SEMA6C: variants seen among roughly 807,000 people sequenced by gnomAD.
The protein encoded by SEMA6C is semaphorin-6C.
Under a neutral mutation model 72.9 loss-of-function variants are expected in SEMA6C, and 37 were observed. The ratio of observed to expected loss-of-function variants is 0.51; its 90% CI spans 0.39 to 0.67. The LOEUF is 0.67. SEMA6C is among the 30% of genes least tolerant of loss of function. The pLI, the probability that SEMA6C is intolerant of heterozygous loss-of-function variation, is 0.00. For missense variants in SEMA6C, 1,189 were observed against 1,263.6 expected (o/e 0.94, Z 0.89); for synonymous variants, 578 against 554.1 (o/e 1.04, Z -0.61).
At chr1:151,144,070 C>T (rs924965026) in intron 2 of SEMA6C, among the ~76,000 whole-genome samples, 7 of 152,122 alleles carry the variant, frequency 4.6e-5, no homozygotes, top group Non-Finnish European at 8.8e-5. Flanking sequence ...TGATGACCCC[C>T]CTTCCCCAGG....
chr1:151,142,043 CTTT>C (rs11321807), intron 3 of SEMA6C, among the ~76,000 whole-genome samples: 20 of 128,382 alleles, frequency 1.6e-4, no homozygotes, highest in Non-Finnish European at 1.7e-4. Context: ...AGTCCATGTT[CTTT>C]TTTTTTTTTT....
rs587703491 is a variant in SEMA6C, at chr1:151,133,936, A to C, written c.1760-419T>G. On this transcript the variant is annotated intron_variant, in intron 18 of 18. Coordinates refer to ENST00000368914, the MANE Select transcript of SEMA6C (RefSeq NM_030913.6). This position sits in a 1 kb window ranked among gnomAD's most constrained non-coding sequence, Gnocchi z 5.9. ...ATCAGCAGCCCCACACTTCACTCCT[A>C]TCTCTCCCAAGTAGCCCCCTTACCC... The C allele has an allele frequency of 8.9e-6, 13 of 1,466,990 alleles. No individual in the cohort carries two copies. Among genetic ancestry groups the C allele is most frequent in the Middle Eastern group, 1.8e-4 (1 of 5,676 alleles). 90.9% of individuals were successfully genotyped at this position (1,466,990 alleles called of 1,614,324 possible).
In SEMA6C at chr1:151,133,158, G is replaced by A. The variant is rs2101607787; in HGVS notation, c.2119C>T (p.Leu707=). 5 of 1,551,888 alleles carry A rather than the reference G, an allele frequency of 3.2e-6. No homozygotes were observed. The East Asian group carries it at 6.9e-5, about 21-fold the overall frequency. ...CLPTPESTPE[L]PVKHLRAAGD... ...GCGGCGCGGAGGTGCTTGACCGGCAGCTCCGGCGTGGACTCGGGGGTGGGC... is the reference window on the plus strand; with the variant it reads ...GCGGCGCGGAGGTGCTTGACCGGCAACTCCGGCGTGGACTCGGGGGTGGGC... The change falls in exon 19 of 19, where the codon CTG becomes TTG. Residue 707 remains leucine, a synonymous_variant. Coordinates refer to ENST00000368914, the MANE Select transcript of SEMA6C (RefSeq NM_030913.6). This position sits in a 1 kb window ranked among gnomAD's most constrained non-coding sequence, Gnocchi z 5.9.
At chr1:151,142,759 A>T (rs953862744) in intron 2 of SEMA6C, 84 bp from the exon 3 acceptor site, 1 of 660,924 alleles carries the variant, frequency 1.5e-6, no homozygotes, top group Non-Finnish European at 2.5e-6. Context: ...CTCCTGGTGT[A>T]TCCCCAGAAG....
Position 151,136,038 on chromosome 1 carries a change from T to C in SEMA6C, c.1232A>G (p.His411Arg), listed in dbSNP as rs778906133. 3.1e-6 allele frequency: 5 copies of C among 1,614,126 alleles called. No homozygotes were observed. In the Admixed American group the frequency reaches 8.3e-5, roughly 27 times the overall value. Reference sequence around the variant, plus strand: ...GCTAGTGAGAGTGAGTAGAGGCTGATGGGTGACAGGTGGTACAGCGGGGTC... The same window carrying C: ...GCTAGTGAGAGTGAGTAGAGGCTGACGGGTGACAGGTGGTACAGCGGGGTC... Reference protein sequence around the residue: ...LLDPAVPPVTHQPLLTLTSRA... With the variant: ...LLDPAVPPVTRQPLLTLTSRA... Residue 411 changes from histidine to arginine, a missense_variant, in exon 13 of 19, where the codon CAT becomes CGT. Coordinates refer to ENST00000368914, the MANE Select transcript of SEMA6C (RefSeq NM_030913.6).
At chr1:151,142,724 C>A in intron 2 of SEMA6C, 49 bp from the exon 3 acceptor site, 1 of 970,728 alleles carries the variant, frequency 1.0e-6, no homozygotes, top group South Asian at 1.7e-5. Flanking sequence ...GTTCCCTCTC[C>A]CCTGAAGCAA....
chr1:151,132,023 C>T lies in SEMA6C; in HGVS notation c.*461G>A. On this transcript the variant is annotated 3_prime_UTR_variant, in exon 19 of 19. Transcript: ENST00000368914. The stretch of plus-strand genomic sequence containing the variant: ...CCCAGAGCGAGCCGACCGACTGCCG[C>T]CCTCCCCCGCCCGAGTGAAGTCAGG... 2.8e-6 allele frequency: 1 copy of T among 362,212 alleles called. No individual in the cohort carries two copies. Among genetic ancestry groups the T allele is most frequent in the South Asian group, 2.3e-5 (1 of 43,734 alleles). The allele number at this position is 362,212 out of a possible 1,614,324, so 22.4% of individuals were successfully genotyped here.
rs1192334383 is a variant in SEMA6C, at chr1:151,139,627, C to T, written c.297+11G>A. The T allele has an allele frequency of 1.9e-6, 3 of 1,605,766 alleles. No individual in the cohort carries two copies. The highest frequency in any genetic ancestry group is 2.2e-5 in the East Asian group (1 of 44,700). ...CTCCACGTCTGCACCTCTTCCCACA[C>T]AGCCCCTCACCTTGTTGGGCACCAG... On this transcript the variant is annotated intron_variant, in intron 5 of 18. Coordinates refer to ENST00000368914, the MANE Select transcript of SEMA6C (RefSeq NM_030913.6).
chr1:151,137,606 A>C, intron 10 of SEMA6C, 105 bp downstream of exon 10: 1 of 909,762 alleles, frequency 1.1e-6, no homozygotes, highest in Non-Finnish European at 1.7e-6. Flanking sequence ...AGTCCAGGGG[A>C]TTGCTTTGTG....
At chr1:151,139,821 G>A in intron 4 of SEMA6C, 120 bp from the exon 5 acceptor site, 2 of 1,250,456 alleles carry the variant, frequency 1.6e-6, no homozygotes, top group South Asian at 2.8e-5. Flanking sequence ...CTTCCTCCAT[G>A]CCTTGGCATT....
intron 9 of SEMA6C, 85 bp from the exon 10 acceptor site, chr1:151,137,884 G>A: frequency 6.3e-7 from 1 of 1,579,714 alleles, no homozygotes; most frequent in South Asian, 1.2e-5. Context: ...TCTCCCCATT[G>A]CATACATACA....
chr1:151,134,433 C>A lies in SEMA6C; in HGVS notation c.1727G>T (p.Gly576Val). ...AGAATCCCCAGGGCCAGACTGACTC[C>A]CAGTAGCTCCATCTATGAAGAAGGG... ...EHGDCQDGAT[G>V]SQSGPGDSAY... Residue 576 changes from glycine to valine, a missense_variant, in exon 18 of 19, where the codon GGG becomes GTG. Coordinates refer to ENST00000368914, the MANE Select transcript of SEMA6C (RefSeq NM_030913.6). 1 of 1,599,730 alleles carries A rather than the reference C, an allele frequency of 6.3e-7. No individual in the cohort carries two copies. The highest frequency in any genetic ancestry group is 1.1e-5 in the South Asian group (1 of 89,078).
Position 151,137,395 on chromosome 1 carries a change from A to G in SEMA6C, c.756+316T>C, listed in dbSNP as rs587724255. The stretch of plus-strand genomic sequence containing the variant: ...CAGGAGGCGGAGCTTGCAGTGAGCC[A>G]AGATGGCGCCACTGCACTCCAGCCT... On this transcript the variant is annotated intron_variant, in intron 10 of 18. Coordinates refer to ENST00000368914, the MANE Select transcript of SEMA6C (RefSeq NM_030913.6). 1.6e-4 allele frequency among the ~76,000 whole-genome samples: 23 copies of G among 146,718 alleles called. No homozygotes were observed. In the Admixed American group the frequency reaches 1.6e-3, roughly 10 times the overall value.
Position 151,133,294 on chromosome 1 carries a change from G to GC in SEMA6C, c.1982dup (p.Glu663ArgfsTer365). ...CCTTGGAGGGCGGCGGGGGCTCTGG[G>GC]CCCCCACCGTGGAGCCGGGCCAAAC... On this transcript the variant is annotated frameshift_variant, in exon 19 of 19. Transcript: ENST00000368914. LOFTEE classifies it low-confidence loss of function (END_TRUNC). The surrounding 1 kb of genome is among the most constrained non-coding windows in gnomAD (Gnocchi z 5.9). 1 of 1,578,738 alleles carries GC rather than the reference G, an allele frequency of 6.3e-7. No homozygotes were observed. Among genetic ancestry groups the GC allele is most frequent in the Non-Finnish European group, 8.6e-7 (1 of 1,166,700 alleles).
Position 151,132,225 on chromosome 1 carries a change from G to T in SEMA6C, c.*259C>A, listed in dbSNP as rs1476003488. On this transcript the variant is annotated 3_prime_UTR_variant, in exon 19 of 19. Coordinates refer to ENST00000368914, the MANE Select transcript of SEMA6C (RefSeq NM_030913.6). ...AGGCAGCTTGGCTGGAAGGGAGCGGGGAGTGGGAGTCCGCCAGCTCCCCCT... is the reference window on the plus strand; with the variant it reads ...AGGCAGCTTGGCTGGAAGGGAGCGGTGAGTGGGAGTCCGCCAGCTCCCCCT... 2.0e-6 allele frequency: 3 copies of T among 1,507,748 alleles called. No individual in the cohort carries two copies. Among genetic ancestry groups the T allele is most frequent in the Non-Finnish European group, 2.7e-6 (3 of 1,129,624 alleles). 93.4% of individuals were successfully genotyped at this position (1,507,748 alleles called of 1,614,324 possible). A position where few individuals can be genotyped will look rare whatever the true frequency, so the allele number is the denominator to read the frequency against.
In SEMA6C at chr1:151,133,295, C is replaced by T; in HGVS notation, c.1982G>A (p.Gly661Asp). Residue 661 changes from glycine (G) to aspartate (D), a missense_variant, in exon 19 of 19, where the codon GGC (glycine) becomes GAC (aspartate). By Grantham distance (94) the Gly-to-Asp change is moderately conservative. Around this residue, in one of 2 missense-constraint regions of SEMA6C, gnomAD observed 721 missense variants for 686.2 expected, o/e 1.05. Transcript: ENST00000368914. The surrounding 1 kb of genome is among the most constrained non-coding windows in gnomAD (Gnocchi z 5.9). The part of the protein sequence containing the change: ...LRSLARLHGG[G>D]PEPPPPSKDG... ...CTTGGAGGGCGGCGGGGGCTCTGGG[C>T]CCCCACCGTGGAGCCGGGCCAAACT... 1 of 1,577,610 alleles carries T rather than the reference C, an allele frequency of 6.3e-7. No homozygotes were observed.
Position 151,134,474 on chromosome 1 carries a change from G to A in SEMA6C, c.1715-29C>T, listed in dbSNP as rs201965115. 75 of 1,608,714 alleles carry A rather than the reference G, an allele frequency of 4.7e-5. 1 individual carries two copies. In the Middle Eastern group the frequency reaches 3.9e-3, roughly 85 times the overall value. On this transcript the variant is annotated intron_variant, in intron 17 of 18. Transcript: ENST00000368914. ...TGAAGAAGGGACAGGGTGAAGATGG[G>A]GGGAAAGAGAAGCTTCATGAAGAAC... is the stretch of plus-strand genomic sequence containing the variant.
chr1:151,139,593 C>T, intron 5 of SEMA6C, 45 bp downstream of exon 5: 1 of 1,607,580 alleles, frequency 6.2e-7, no homozygotes, highest in African/African-American at 1.3e-5. Context: ...AGACCTTTCC[C>T]AGCCTCATCT....
chr1:151,143,953 A>G (rs1430791742), intron 2 of SEMA6C, among the ~76,000 whole-genome samples: 1 of 152,046 alleles, frequency 6.6e-6, no homozygotes, highest in Non-Finnish European at 1.5e-5. Flanking sequence ...TCTCCCAGCC[A>G]GGACCCAAGT....
Sources: allele counts gnomAD v4.1 joint callset (sites outside exome capture counted in the v4.1 genomes callset), GRCh38; gene constraint gnomAD v4.1.1; regional missense constraint gnomAD v4.1.1; non-coding constraint Gnocchi (gnomAD v3.1); transcripts MANE v1.5; gene names NCBI Gene and HGNC (gene_info 2026-07-23, HGNC 2026-07-21).